The following HIVEP2 variants were observed in gnomAD, a reference collection of about 807,000 sequenced individuals.
HIVEP2 encodes transcription factor HIVEP2.
A neutral mutation model predicts 180.7 loss-of-function variants in HIVEP2; 14 were observed. That is an observed-to-expected ratio of 0.08 (90% CI 0.05 to 0.12). The LOEUF (loss-of-function observed/expected upper bound fraction) is 0.12. Ranked by LOEUF, HIVEP2 falls within the 10% of genes least tolerant of loss-of-function variation. The probability of loss-of-function intolerance (pLI) is 1.00; values close to 1 mark genes in which losing one functional copy is unlikely to be tolerated. For missense variants in HIVEP2, 2,579 were observed against 3,008.5 expected, an observed-to-expected ratio of 0.86 and a Z score of 3.34; for synonymous variants, 1,184 against 1,136.4, an observed-to-expected ratio of 1.04 and a Z score of -0.84.
At chr6:142,756,581 A>C (rs1775074953) in intron 9 of HIVEP2, among the ~76,000 whole-genome samples, 1 of 151,540 alleles carries the variant, frequency 6.6e-6, no homozygotes, top group Non-Finnish European at 1.5e-5. Context: ...CCCTAGACAC[A>C]ATCTTCATCT....
chr6:142,815,659 C>T (rs1776813880), intron 2 of HIVEP2, among the ~76,000 whole-genome samples: 1 of 152,182 alleles, frequency 6.6e-6, no homozygotes, highest in Admixed American at 6.5e-5. Flanking sequence ...ATAATGATAA[C>T]TGTGATCCTC....
At chr6:142,896,274 A>G (rs775401420) in intron 1 of HIVEP2, among the ~76,000 whole-genome samples, 4 of 152,112 alleles carry the variant, frequency 2.6e-5, no homozygotes, top group Non-Finnish European at 5.9e-5. Context: ...CCAGCAGTTC[A>G]CCATCTTCCT....
At chr6:142,857,129 C>T (rs1323270700) in intron 1 of HIVEP2, among the ~76,000 whole-genome samples, 1 of 151,956 alleles carries the variant, frequency 6.6e-6, no homozygotes, top group Non-Finnish European at 1.5e-5. Flanking sequence ...CATGACTTCA[C>T]TGTCACCAAC....
chr6:142,874,804 G>A (rs1309527120), intron 1 of HIVEP2, among the ~76,000 whole-genome samples: 2 of 152,138 alleles, frequency 1.3e-5, no homozygotes, highest in East Asian at 1.9e-4. Flanking sequence ...AGAGGGCTTA[G>A]AGACACGATA....
chr6:142,805,109 T>C (rs955777846), intron 2 of HIVEP2, among the ~76,000 whole-genome samples: 21 of 152,052 alleles, frequency 1.4e-4, no homozygotes, highest in African/African-American at 5.1e-4. Flanking sequence ...ATGCAAAACA[T>C]ACACCAGGTA....
chr6:142,775,637 C>A lies in HIVEP2; in HGVS notation c.-388+510G>T, dbSNP rs369515018. 4.0e-4 allele frequency among the ~76,000 whole-genome samples: 61 copies of A among 152,068 alleles called. 1 individual carries two copies. In the East Asian group the frequency reaches 0.011, roughly 26 times the overall value. ...GGATCACGAGGTCAAGAGACTGAAA[C>A]CATCCTGGCCAAAATGGTGAAACCC... On this transcript the variant is annotated intron_variant, in intron 4 of 9. Transcript: ENST00000367603.
chr6:142,830,467 C>G (rs1775048630), intron 2 of HIVEP2, among the ~76,000 whole-genome samples: 1 of 151,994 alleles, frequency 6.6e-6, no homozygotes, highest in Admixed American at 6.5e-5. Flanking sequence ...CTGACACATA[C>G]ACATGTTCCT....
rs182572917 is a variant in HIVEP2 at position 142,882,044 on chromosome 6, G to A, written c.-640-44997C>T. On this transcript the variant is annotated intron_variant, in intron 1 of 9. Transcript: ENST00000367603. ...GGAGGACTCTACCCAGAGTCATCAC[G>A]CTCTCTCCTGACATCATATATACGA... 7.2e-5 allele frequency among the ~76,000 whole-genome samples: 11 copies of A among 152,220 alleles called. No individual in the cohort carries two copies. In the East Asian group the frequency reaches 1.7e-3, roughly 24 times the overall value.
chr6:142,909,261 T>C (rs1777342315), intron 1 of HIVEP2, among the ~76,000 whole-genome samples: 1 of 152,178 alleles, frequency 6.6e-6, no homozygotes, highest in South Asian at 2.1e-4. Flanking sequence ...TAGCTTCAAA[T>C]TGGTATACAC....
At chr6:142,902,434 T>A (rs1484305449) in intron 1 of HIVEP2, among the ~76,000 whole-genome samples, 1 of 152,204 alleles carries the variant, frequency 6.6e-6, no homozygotes, top group East Asian at 1.9e-4. Context: ...GTATCTTGTG[T>A]CATATTAAAT....
chr6:142,829,895 A>G (rs1775031007), intron 2 of HIVEP2, among the ~76,000 whole-genome samples: 1 of 152,230 alleles, frequency 6.6e-6, no homozygotes, highest in South Asian at 2.1e-4. Context: ...AAATCTTTTT[A>G]TGGCTCAAGA....
chr6:142,847,345 G>T (rs192199132), intron 1 of HIVEP2, among the ~76,000 whole-genome samples: 1 of 151,674 alleles, frequency 6.6e-6, no homozygotes, highest in Non-Finnish European at 1.5e-5. Context: ...TTTTCTATTC[G>T]GTTTTCCCTT....
At chr6:142,942,989 G>A (rs2128442025) in intron 1 of HIVEP2, among the ~76,000 whole-genome samples, 1 of 152,154 alleles carries the variant, frequency 6.6e-6, no homozygotes, top group Middle Eastern at 3.4e-3. Flanking sequence ...CAAACCTAGT[G>A]GTCAAAGGGA....
At chr6:142,803,866 G>A in intron 2 of HIVEP2, among the ~76,000 whole-genome samples, 1 of 152,098 alleles carries the variant, frequency 6.6e-6, no homozygotes, top group Non-Finnish European at 1.5e-5. Flanking sequence ...CCTGACTCCT[G>A]AGGAGTGGGA....
intron 1 of HIVEP2, among the ~76,000 whole-genome samples, chr6:142,849,933 G>A (rs1445414778): frequency 6.6e-6 from 1 of 152,176 alleles, no homozygotes; most frequent in Non-Finnish European, 1.5e-5. Context: ...AACAGAGACA[G>A]GCCTACTAAG....
intron 2 of HIVEP2, among the ~76,000 whole-genome samples, chr6:142,808,705 G>T (rs1156714224): frequency 3.4e-5 from 5 of 148,680 alleles, no homozygotes; most frequent in Non-Finnish European, 7.5e-5. Flanking sequence ...TGGATGGAGG[G>T]ATGGAGGAAA....
chr6:142,821,927 G>A (rs77490091), intron 2 of HIVEP2, among the ~76,000 whole-genome samples: 2,120 of 152,234 alleles, frequency 0.014, 49 homozygotes, highest in African/African-American at 0.048. Context: ...GGAAAGCAGG[G>A]GTGGGGAGAA....
At position 142,857,769 on chromosome 6, in the gene HIVEP2, C is replaced by A. The variant is rs1460902699; in HGVS notation, c.-640-20722G>T. 2.6e-5 allele frequency among the ~76,000 whole-genome samples: 4 copies of A among 152,154 alleles called. No individual in the cohort carries two copies. In the East Asian group the frequency reaches 7.7e-4, roughly 29 times the overall value. Reference sequence around the variant, plus strand: ...ATGAGCATTTCTTTATATTAAAACTCCAGGTTTAATTTTAGGTCGGATTTG... The same window carrying A: ...ATGAGCATTTCTTTATATTAAAACTACAGGTTTAATTTTAGGTCGGATTTG... On this transcript the variant is annotated intron_variant, in intron 1 of 9. Transcript: ENST00000367603.
intron 1 of HIVEP2, among the ~76,000 whole-genome samples, chr6:142,890,708 G>C (rs1776835399): frequency 6.6e-6 from 1 of 152,108 alleles, no homozygotes; most frequent in Non-Finnish European, 1.5e-5. Context: ...ATAATCTAAT[G>C]AGATAAATCA....
Sources: gnomAD v4.1 joint callset for allele counts (sites outside exome capture counted in the v4.1 genomes callset) on GRCh38, gnomAD v4.1.1 for gene constraint, MANE v1.5 for transcripts, NCBI Gene and HGNC (gene_info 2026-07-23, HGNC 2026-07-21) for gene names.